GPC4: variants seen among roughly 807,000 people sequenced by gnomAD.
GPC4 encodes glypican-4.
GPC4 carries 10 observed loss-of-function variants against 35.0 expected under a neutral mutation model. The observed-to-expected ratio is 0.29, with a 90% CI of 0.18 to 0.48. The LOEUF (loss-of-function observed/expected upper bound fraction) is 0.48, where lower values mean the gene tolerates loss of function less well. GPC4 is among the 20% of genes least tolerant of loss of function. GPC4 has a pLI of 0.99. For synonymous variants in GPC4, 167 were observed against 170.2 expected, an observed-to-expected ratio of 0.98 and a Z score of 0.15; for missense variants, 322 against 451.3, an observed-to-expected ratio of 0.71 and a Z score of 2.60.
At chrX:133,405,176 T>C (rs1337711489) in intron 1 of GPC4, among the ~76,000 whole-genome samples, 1 of 101,251 alleles carries the variant, frequency 9.9e-6, no homozygotes, top group African/African-American at 3.7e-5. Context: ...TGGCTCAATC[T>C]CGGCTCACTG....
At chrX:133,335,660 G>T (rs1266583939) in intron 2 of GPC4, among the ~76,000 whole-genome samples, 1 of 112,241 alleles carries the variant, frequency 8.9e-6, no homozygotes, top group Non-Finnish European at 1.9e-5. Context: ...CCCTGACCAG[G>T]GTCAATTGAG....
At chrX:133,347,826 A>C (rs2068500272) in intron 1 of GPC4, among the ~76,000 whole-genome samples, 2 of 111,852 alleles carry the variant, frequency 1.8e-5, no homozygotes, top group Admixed American at 9.5e-5. Context: ...AAGCACGTAA[A>C]TTACAGTCAT....
At chrX:133,365,662 A>G (rs2068586689) in intron 1 of GPC4, among the ~76,000 whole-genome samples, 1 of 112,185 alleles carries the variant, frequency 8.9e-6, no homozygotes, top group Non-Finnish European at 1.9e-5. Flanking sequence ...GATGCAAACA[A>G]TGATAGTAAA....
intron 1 of GPC4, among the ~76,000 whole-genome samples, chrX:133,404,866 A>AAAAAAAAAAAAAAAAAAAAAAAG (rs753375530): frequency 1.1e-5 from 1 of 89,271 alleles, no homozygotes; most frequent in African/African-American, 5.2e-5. Flanking sequence ...AAAAAAAAAA[A>AAAAAAAAAAAAAAAAAAAAAAAG]AAGGTGCAGA....
At chrX:133,357,211 CT>C (rs1213028820) in intron 1 of GPC4, among the ~76,000 whole-genome samples, 1 of 108,909 alleles carries the variant, frequency 9.2e-6, no homozygotes, top group Non-Finnish European at 1.9e-5. Flanking sequence ...TGGCAAAACC[CT>C]GTCTCTACTA....
At chrX:133,373,862 C>T (rs112064319) in intron 1 of GPC4, among the ~76,000 whole-genome samples, 3,361 of 111,328 alleles carry the variant, frequency 0.03, 61 homozygotes, top group Non-Finnish European at 0.047. Flanking sequence ...CCACATGACT[C>T]CTCTTATCAC....
At chrX:133,400,959 C>T (rs1223237057) in intron 1 of GPC4, among the ~76,000 whole-genome samples, 1 of 110,109 alleles carries the variant, frequency 9.1e-6, no homozygotes, top group Admixed American at 9.8e-5. Context: ...CCAGGAAAAG[C>T]TTCTCTATTA....
chrX:133,361,581 CAAG>C (rs992338807), intron 1 of GPC4, among the ~76,000 whole-genome samples: 4 of 105,805 alleles, frequency 3.8e-5, no homozygotes, highest in African/African-American at 1.4e-4. Flanking sequence ...AAAAAAAAAA[CAAG>C]ATGATTAAGT....
intron 1 of GPC4, among the ~76,000 whole-genome samples, chrX:133,339,752 C>T (rs1020980048): frequency 1.8e-5 from 2 of 111,905 alleles, no homozygotes; most frequent in African/African-American, 3.3e-5. Flanking sequence ...TCCTTAATGA[C>T]GAATGGTTTA....
chrX:133,394,676 A>C (rs1231686782), intron 1 of GPC4, among the ~76,000 whole-genome samples: 1 of 111,485 alleles, frequency 9.0e-6, no homozygotes, highest in Non-Finnish European at 1.9e-5. Flanking sequence ...GTAGCTACTC[A>C]TCAGGAGAAC....
At chrX:133,361,662 G>A (rs762445095) in intron 1 of GPC4, among the ~76,000 whole-genome samples, 1 of 111,669 alleles carries the variant, frequency 9.0e-6, no homozygotes, top group Non-Finnish European at 1.9e-5. Context: ...ACCATTGCTG[G>A]TCTTTGCCAT....
At chrX:133,373,380 T>C (rs1312893044) in intron 1 of GPC4, among the ~76,000 whole-genome samples, 1 of 108,143 alleles carries the variant, frequency 9.2e-6, no homozygotes, top group Non-Finnish European at 1.9e-5. Flanking sequence ...TACAGTTGGG[T>C]TATTGAAGAC....
chrX:133,386,181 G>A (rs1189768468), intron 1 of GPC4, among the ~76,000 whole-genome samples: 1 of 105,099 alleles, frequency 9.5e-6, no homozygotes, highest in African/African-American at 3.5e-5. Flanking sequence ...GTTGCAGTGA[G>A]CTATGATTGT....
chrX:133,414,624 A>G (rs944509541), intron 1 of GPC4, 182 bp downstream of exon 1: 1 of 753,949 alleles, frequency 1.3e-6, no homozygotes, highest in Non-Finnish European at 1.6e-6. Flanking sequence ...GCCCGCGGGG[A>G]ACGTCCTGCG....
At chrX:133,375,690 T>C (rs1469242330) in intron 1 of GPC4, among the ~76,000 whole-genome samples, 1 of 112,133 alleles carries the variant, frequency 8.9e-6, no homozygotes, top group South Asian at 3.7e-4. Context: ...TCTTTTTCTT[T>C]CCAGCCACTG....
chrX:133,351,404 A>G (rs2068515703), intron 1 of GPC4, among the ~76,000 whole-genome samples: 1 of 98,056 alleles, frequency 1.0e-5, no homozygotes, highest in South Asian at 6.7e-4. Context: ...TTGAAAACCT[A>G]AATAGATCAC....
intron 1 of GPC4, among the ~76,000 whole-genome samples, chrX:133,410,703 T>C (rs886929441): frequency 8.9e-6 from 1 of 112,296 alleles, no homozygotes; most frequent in Non-Finnish European, 1.9e-5. Flanking sequence ...TGAAATTGCA[T>C]GCAACCCAAC....
chrX:133,382,424 C>CAA (rs1284709655), intron 1 of GPC4, among the ~76,000 whole-genome samples: 36 of 15,487 alleles, frequency 2.3e-3, no homozygotes, highest in African/African-American at 4.3e-3. Context: ...GACTCCGTCT[C>CAA]AAAAAAAAAA....
intron 1 of GPC4, among the ~76,000 whole-genome samples, chrX:133,384,004 C>T (rs1326998397): frequency 1.8e-5 from 2 of 111,662 alleles, no homozygotes; most frequent in Non-Finnish European, 3.8e-5. Context: ...CATGAAAACT[C>T]TCTGTACTAT....
Sources: allele counts gnomAD v4.1 joint callset (sites outside exome capture counted in the v4.1 genomes callset), GRCh38; gene constraint gnomAD v4.1.1; transcripts MANE v1.5; gene names NCBI Gene and HGNC (gene_info 2026-07-23, HGNC 2026-07-21).